Variants in DAB1 observed in about 807,000 individuals in gnomAD.
The protein encoded by DAB1 is disabled homolog 1.
Under a neutral mutation model 64.6 loss-of-function variants are expected in DAB1, and 15 were observed. The ratio of observed to expected loss-of-function variants is 0.23; its 90% CI spans 0.16 to 0.36. DAB1 has a LOEUF of 0.36. Ranked by LOEUF, DAB1 falls within the 10% of genes least tolerant of loss-of-function variation. The pLI is 1.00. For missense variants in DAB1, 596 were observed against 706.7 expected, an observed-to-expected ratio of 0.84 and a Z score of 1.78; for synonymous variants, 235 against 251.9, an observed-to-expected ratio of 0.93 and a Z score of 0.64.
intron 9 of DAB1, among the ~76,000 whole-genome samples, chr1:57,042,813 G>A (rs1342642099): frequency 6.6e-6 from 1 of 151,958 alleles, no homozygotes; most frequent in Non-Finnish European, 1.5e-5. Context: ...TGCTTGGCAT[G>A]TATGTGCATG....
intron 3 of DAB1, among the ~76,000 whole-genome samples, chr1:58,347,055 T>G (rs1003062497): frequency 5.9e-5 from 9 of 151,728 alleles, no homozygotes; most frequent in African/African-American, 2.2e-4. Flanking sequence ...AAAGGTACTT[T>G]ATAAAGCATA....
chr1:57,187,601 A>T (rs992694385), intron 2 of DAB1, among the ~76,000 whole-genome samples: 1 of 152,314 alleles, frequency 6.6e-6, no homozygotes, highest in East Asian at 1.9e-4. Flanking sequence ...TGCATTTGCT[A>T]TCTTGTTCTT....
At chr1:57,216,596 C>T (rs1286498072) in intron 2 of DAB1, among the ~76,000 whole-genome samples, 1 of 152,096 alleles carries the variant, frequency 6.6e-6, no homozygotes, top group African/African-American at 2.4e-5. Context: ...AGGTCCATGT[C>T]CTTAAGGAGA....
intron 5 of DAB1, among the ~76,000 whole-genome samples, chr1:58,096,563 G>A (rs1406631598): frequency 2.0e-5 from 3 of 152,196 alleles, no homozygotes; most frequent in Admixed American, 2.0e-4. Context: ...ATGATACTTT[G>A]TTATTGCCTG....
At chr1:57,521,096 A>G (rs1361933104) in intron 7 of DAB1, among the ~76,000 whole-genome samples, 5 of 152,192 alleles carry the variant, frequency 3.3e-5, no homozygotes, top group Non-Finnish European at 7.3e-5. Flanking sequence ...AGAATGAACT[A>G]GAACCAGAGA....
intron 1 of DAB1, chr1:57,862,682 G>A (rs896699374): frequency 2.0e-5 from 3 of 152,114 alleles, no homozygotes; most frequent in Admixed American, 2.0e-4. Flanking sequence ...TACATTCAAA[G>A]ATGCTGAAAA....
At chr1:57,536,254 C>T (rs554499164) in intron 7 of DAB1, among the ~76,000 whole-genome samples, 1 of 152,288 alleles carries the variant, frequency 6.6e-6, no homozygotes, top group South Asian at 2.1e-4. Context: ...TGATGTCAAG[C>T]CAGTGACAAA....
At chr1:57,039,293 A>G (rs1647407961) in intron 9 of DAB1, among the ~76,000 whole-genome samples, 1 of 152,236 alleles carries the variant, frequency 6.6e-6, no homozygotes, top group Non-Finnish European at 1.5e-5. Flanking sequence ...TAGCACAGCA[A>G]CTGGCAGAGT....
rs114427346 is a variant in DAB1 at position 58,303,363 on chromosome 1, C to T, written n.309+39989G>A. Among the ~76,000 whole-genome samples the T allele has an allele frequency of 2.2e-3, 330 of 152,284 alleles. 3 individuals carry two copies. The highest frequency in any genetic ancestry group is 5.1e-3 in the Admixed American group (78 of 15,290). On this transcript the variant is annotated intron_variant and non_coding_transcript_variant, in intron 4 of 20. Transcript: ENST00000485760. ...TTTTCAGTACTTCCAACATGTTTAT[C>T]ACCAGTTCAAGGGATTGAATTCCAC...
chr1:57,855,207 G>A (rs1397318219), intron 1 of DAB1, among the ~76,000 whole-genome samples: 1 of 152,074 alleles, frequency 6.6e-6, no homozygotes, highest in Admixed American at 6.6e-5. Flanking sequence ...GTGAGGTAGT[G>A]GTAGCAAGAA....
At chr1:57,582,269 C>T (rs11585229) in intron 7 of DAB1, among the ~76,000 whole-genome samples, 29,989 of 152,056 alleles carry the variant, frequency 0.2, 3,317 homozygotes, top group Non-Finnish European at 0.24. Flanking sequence ...AGAAGGCAAA[C>T]GGGAAGCAAG....
At chr1:58,493,066 C>G (rs1447396285) in intron 3 of DAB1, among the ~76,000 whole-genome samples, 2 of 152,176 alleles carry the variant, frequency 1.3e-5, no homozygotes, top group African/African-American at 4.8e-5. Flanking sequence ...AGCTTATCCA[C>G]CATGATCAAG....
intron 2 of DAB1, among the ~76,000 whole-genome samples, chr1:57,287,577 T>C (rs1244331973): frequency 3.3e-5 from 5 of 152,152 alleles, no homozygotes; most frequent in East Asian, 1.9e-4. Context: ...CCAAGCATAG[T>C]TGGAGAAAGT....
intron 7 of DAB1, among the ~76,000 whole-genome samples, chr1:57,556,362 C>G (rs1023025984): frequency 2.0e-5 from 3 of 152,108 alleles, no homozygotes; most frequent in Non-Finnish European, 4.4e-5. Context: ...ACACTGTTTT[C>G]CATAGTGGTT....
chr1:58,093,616 T>C lies in DAB1; in HGVS notation n.387+56895A>G, dbSNP rs1253943743. ...CCACCCTGCCTGGTCCATGGAAAAATTGTCTTCCATTAAACTGGTCCCTGG... is the reference window on the plus strand; with the variant it reads ...CCACCCTGCCTGGTCCATGGAAAAACTGTCTTCCATTAAACTGGTCCCTGG... On this transcript the variant is annotated intron_variant and non_coding_transcript_variant, in intron 5 of 20. Transcript: ENST00000485760. Among the ~76,000 whole-genome samples the C allele has an allele frequency of 4.6e-5, 7 of 151,004 alleles. No individual in the cohort carries two copies. The South Asian group carries it at 8.4e-4, about 18-fold the overall frequency.
At chr1:58,534,271 T>C (rs1646482169) in intron 1 of DAB1, 2 of 871,164 alleles carry the variant, frequency 2.3e-6, no homozygotes, top group Non-Finnish European at 4.0e-6. Context: ...AGCACTTCTT[T>C]AACAGCCAGG....
chr1:57,362,581 G>C (rs1476578134), intron 1 of DAB1, among the ~76,000 whole-genome samples: 1 of 152,170 alleles, frequency 6.6e-6, no homozygotes, highest in Non-Finnish European at 1.5e-5. Flanking sequence ...GTGAGCCCTA[G>C]TGAGTGGGAT....
chr1:57,820,783 T>C (rs1391330933), intron 6 of DAB1, among the ~76,000 whole-genome samples: 1 of 152,196 alleles, frequency 6.6e-6, no homozygotes, highest in Non-Finnish European at 1.5e-5. Context: ...AACCATAATT[T>C]CATCCTGGTT....
At chr1:58,458,494 C>G (rs1478401280) in intron 3 of DAB1, among the ~76,000 whole-genome samples, 1 of 152,208 alleles carries the variant, frequency 6.6e-6, no homozygotes, top group Non-Finnish European at 1.5e-5. Flanking sequence ...CTACAGGTAG[C>G]AAAGTGGTTA....
Sources: allele counts gnomAD v4.1 joint callset (sites outside exome capture counted in the v4.1 genomes callset), GRCh38; gene constraint gnomAD v4.1.1; transcripts MANE v1.5; gene names NCBI Gene and HGNC (gene_info 2026-07-23, HGNC 2026-07-21).